The following GPR137 variants were observed in gnomAD, a reference collection of about 807,000 sequenced individuals.
GPR137 encodes integral membrane protein GPR137.
A neutral mutation model predicts 38.9 loss-of-function variants in GPR137; 20 were observed. The observed-to-expected ratio is 0.51, with a 90% confidence interval of 0.36 to 0.75. The LOEUF is 0.75. Ranked by LOEUF, GPR137 falls within the 30% of genes least tolerant of loss-of-function variation. GPR137 has a pLI of 0.00. For synonymous variants in GPR137, 226 were observed against 235.8 expected, an observed-to-expected ratio of 0.96 and a Z score of 0.38; for missense variants, 456 against 526.4, an observed-to-expected ratio of 0.87 and a Z score of 1.31.
upstream of GPR137, among the ~76,000 whole-genome samples, chr11:64,280,475 C>T (rs1458004929): frequency 1.4e-5 from 2 of 140,684 alleles, no homozygotes; most frequent in African/African-American, 5.2e-5. Context: ...CCTCAGCCTC[C>T]CGAGTAGCTG....
In GPR137 at chr11:64,285,914, G is replaced by A; in HGVS notation, c.-611G>A. 1.0e-6 allele frequency: 1 copy of A among 968,342 alleles called. No homozygotes were observed. 60.0% of individuals were successfully genotyped at this position (968,342 alleles called of 1,614,324 possible). ...GACCTGAGCCGGCTCTCCCATCAGC[G>A]GCCTGAGGACCTGGCGTCCGCCTCC... On this transcript the variant is annotated 5_prime_UTR_variant, in exon 1 of 7. Coordinates refer to ENST00000438980, the MANE Select transcript of GPR137 (RefSeq NM_001170880.2).
chr11:64,284,814 T>C, upstream of GPR137: 2 of 1,524,422 alleles, frequency 1.3e-6, no homozygotes, highest in Admixed American at 4.1e-5. Context: ...CCCCGCCGGA[T>C]CCAAGGCTCC....
rs181603914 is a variant in GPR137, at chr11:64,287,627, G to A, written c.408-94G>A. On this transcript the variant is annotated intron_variant, in intron 2 of 6. Transcript: ENST00000438980. ...ACAGGGCTCAGACTGGATGCCCTGA[G>A]TTTTGTCGACATTGGGGTTTCCTGC... The A allele has an allele frequency of 1.0e-4, 163 of 1,573,690 alleles. 1 individual carries two copies. The Middle Eastern group carries it at 1.0e-3, about 10-fold the overall frequency.
chr11:64,284,806 C>A (rs2033764381), upstream of GPR137: 1 of 1,529,262 alleles, frequency 6.5e-7, no homozygotes, highest in Non-Finnish European at 8.7e-7. Context: ...CCCCGCCCCC[C>A]CGCCGGATCC....
chr11:64,284,963 A>G, upstream of GPR137: 1 of 1,389,924 alleles, frequency 7.2e-7, no homozygotes, highest in South Asian at 1.5e-5. Context: ...TCTGCCAACA[A>G]GTCCTTCAGC....
intron 2 of GPR137, 129 bp downstream of exon 2, chr11:64,287,143 A>G: frequency 6.8e-7 from 1 of 1,481,212 alleles, no homozygotes; most frequent in Non-Finnish European, 9.0e-7. Flanking sequence ...AAGATCTTGG[A>G]AAAGTTAAAG....
At chr11:64,280,702 C>T (rs1163460665), upstream of GPR137, among the ~76,000 whole-genome samples, 1 of 151,794 alleles carries the variant, frequency 6.6e-6, no homozygotes, top group African/African-American at 2.4e-5. Flanking sequence ...GACTCTTGCT[C>T]TGTCACCCAG....
At chr11:64,274,158 C>T (rs1418926366), upstream of GPR137, among the ~76,000 whole-genome samples, 5 of 152,090 alleles carry the variant, frequency 3.3e-5, no homozygotes, top group Admixed American at 2.0e-4. Flanking sequence ...TTTGGGAGGC[C>T]GAGGCAGGCG....
At chr11:64,287,648 C>T (rs2034251849) in intron 2 of GPR137, 73 bp from the exon 3 acceptor site, 6 of 1,586,136 alleles carry the variant, frequency 3.8e-6, no homozygotes, top group Non-Finnish European at 4.3e-6. Context: ...ATTGGGGTTT[C>T]CTGCAGGAGG....
chr11:64,275,447 G>A (rs1350849825), upstream of GPR137, among the ~76,000 whole-genome samples: 2 of 152,130 alleles, frequency 1.3e-5, no homozygotes, highest in Non-Finnish European at 2.9e-5. Flanking sequence ...GGGCCCCAGT[G>A]TCTTCTGTGA....
In GPR137 at chr11:64,286,655, A is replaced by G. The variant is rs1396507743; in HGVS notation, c.131A>G (p.Gln44Arg). The G allele has an allele frequency of 6.2e-7, 1 of 1,613,986 alleles. No individual in the cohort carries two copies. The highest frequency in any genetic ancestry group is 1.1e-5 in the South Asian group (1 of 91,068). ...YALLFFSVYAQLWLVLLYGHK... is the reference protein window; with the variant it reads ...YALLFFSVYARLWLVLLYGHK... ...CTGCTCTTCTTCTCCGTCTATGCCCAGCTCTGGCTGGTGCTTCTGTATGGG... is the reference window on the plus strand; with the variant it reads ...CTGCTCTTCTTCTCCGTCTATGCCCGGCTCTGGCTGGTGCTTCTGTATGGG... Residue 44 changes from glutamine (Q) to arginine (R), a missense_variant, in exon 1 of 7, where the codon CAG becomes CGG. Coordinates refer to ENST00000438980, the MANE Select transcript of GPR137 (RefSeq NM_001170880.2).
chr11:64,285,668 C>T, upstream of GPR137: 3 of 985,186 alleles, frequency 3.0e-6, no homozygotes, highest in Non-Finnish European at 3.6e-6. Context: ...GGCACGGCCC[C>T]CGCAACTCGG....
At chr11:64,275,514 A>G (rs888670888), upstream of GPR137, among the ~76,000 whole-genome samples, 2 of 152,098 alleles carry the variant, frequency 1.3e-5, no homozygotes, top group Non-Finnish European at 2.9e-5. Context: ...AGAGCAGGAA[A>G]GCCCCCTACC....
rs1270003077 is a variant in GPR137, at chr11:64,288,751, CT to C, written c.1031+31del. 1 of 1,496,602 alleles carries C rather than the reference CT, an allele frequency of 6.7e-7. No individual in the cohort carries two copies. The highest frequency in any genetic ancestry group is 1.4e-5 in the African/African-American group (1 of 72,120). The allele number at this position is 1,496,602 out of a possible 1,614,324, so 92.7% of individuals were successfully genotyped here. ...GAGCCGTGGCACTGCCTCAGTACCC[CT>C]GCCCTACCCGCCCACCCCGCTGGCT... is the stretch of plus-strand genomic sequence containing the variant. On this transcript the variant is annotated intron_variant, in intron 6 of 6. Coordinates refer to ENST00000438980, the MANE Select transcript of GPR137 (RefSeq NM_001170880.2). The surrounding 1 kb of genome is among the most constrained non-coding windows in gnomAD (Gnocchi z 5.5).
intron 2 of GPR137, among the ~76,000 whole-genome samples, chr11:64,278,948 C>G (rs763019011): frequency 1.3e-5 from 2 of 152,198 alleles, no homozygotes; most frequent in Non-Finnish European, 2.9e-5. Context: ...AAAACTAAAT[C>G]AAAAGGTTAA....
rs2034095540 is a variant in GPR137, at chr11:64,286,610, C to T, written c.86C>T (p.Ala29Val). The T allele has an allele frequency of 1.9e-6, 3 of 1,614,026 alleles. No homozygotes were observed. In the East Asian group the frequency reaches 6.7e-5, roughly 36 times the overall value. Residue 29 changes from alanine to valine, a missense_variant, in exon 1 of 7, where the codon GCC becomes GTC. Coordinates refer to ENST00000438980, the MANE Select transcript of GPR137 (RefSeq NM_001170880.2). The part of the protein sequence containing the change: ...PPAVTLGLTA[A>V]YTTLYALLFF... ...GCTGTGACCCTGGGGCTGACAGCTG[C>T]CTACACCACCCTGTATGCCCTGCTC... is the stretch of plus-strand genomic sequence containing the variant.
upstream of GPR137, chr11:64,285,404 G>A (rs554994049): frequency 8.1e-6 from 8 of 984,758 alleles, no homozygotes; most frequent in South Asian, 4.7e-5. Context: ...CGGGCGCGCC[G>A]GGGCGAGGGG....
chr11:64,288,469 G>A lies in GPR137; in HGVS notation c.912+1G>A, dbSNP rs113822369. ...GGTGCACCGGCCCCCACAGGACCTGGTAAGGGTCTGCTCCCTCTTCTGTGG... is the reference window on the plus strand; with the variant it reads ...GGTGCACCGGCCCCCACAGGACCTGATAAGGGTCTGCTCCCTCTTCTGTGG... On this transcript the variant is annotated splice_donor_variant, in intron 5 of 6. Coordinates refer to ENST00000438980, the MANE Select transcript of GPR137 (RefSeq NM_001170880.2). LOFTEE classifies it high-confidence loss of function. The surrounding 1 kb of genome is among the most constrained non-coding windows in gnomAD (Gnocchi z 5.5). 3 of 1,613,160 alleles carry A rather than the reference G, an allele frequency of 1.9e-6. No homozygotes were observed. The highest frequency in any genetic ancestry group is 1.1e-5 in the South Asian group (1 of 91,078).
At position 64,289,270 on chromosome 11, in the gene GPR137, C is replaced by T. The variant is rs1444742381; in HGVS notation, c.*74C>T. On this transcript the variant is annotated 3_prime_UTR_variant, in exon 7 of 7. Coordinates refer to ENST00000438980, the MANE Select transcript of GPR137 (RefSeq NM_001170880.2). ...TAGGCCCCTGTGCCAAGTTTGTCTG[C>T]CGCTTCTTGCCCAGGATCCTGGGGG... 7 of 1,613,312 alleles carry T rather than the reference C, an allele frequency of 4.3e-6. No individual in the cohort carries two copies. The highest frequency in any genetic ancestry group is 1.3e-5 in the African/African-American group (1 of 74,862).
Sources: allele counts gnomAD v4.1 joint callset (sites outside exome capture counted in the v4.1 genomes callset), GRCh38; gene constraint gnomAD v4.1.1; non-coding constraint Gnocchi (gnomAD v3.1); transcripts MANE v1.5; gene names NCBI Gene and HGNC (gene_info 2026-07-23, HGNC 2026-07-21).